SEPTIN9: variants seen among roughly 807,000 people sequenced by gnomAD.
The protein encoded by SEPTIN9 is septin-9.
SEPTIN9 carries 13 observed loss-of-function variants against 56.6 expected under a neutral mutation model. The ratio of observed to expected loss-of-function variants is 0.23; its 90% CI spans 0.15 to 0.37. The LOEUF (loss-of-function observed/expected upper bound fraction) is 0.37. SEPTIN9 is among the 10% of genes least tolerant of loss of function. SEPTIN9 has a pLI of 1.00. For missense variants in SEPTIN9, 650 were observed against 823.1 expected, an observed-to-expected ratio of 0.79 and a Z score of 2.57; for synonymous variants, 332 against 334.1, an observed-to-expected ratio of 0.99 and a Z score of 0.07.
chr17:77,409,952 T>C (rs1381029580), intron 3 of SEPTIN9, among the ~76,000 whole-genome samples: 1 of 152,180 alleles, frequency 6.6e-6, no homozygotes, highest in East Asian at 1.9e-4. Flanking sequence ...CCTGACACAC[T>C]GTCTCACCTG....
intron 2 of SEPTIN9, among the ~76,000 whole-genome samples, chr17:77,398,529 G>A (rs1724420078): frequency 6.6e-6 from 1 of 152,178 alleles, no homozygotes; most frequent in South Asian, 2.1e-4. Context: ...ATGCTCGTTT[G>A]GGGGGATGGC....
At position 77,450,849 on chromosome 17, in the gene SEPTIN9, C is replaced by T. The variant is rs542426431; in HGVS notation, c.722-31295C>T. On this transcript the variant is annotated intron_variant, in intron 3 of 11. Coordinates refer to ENST00000427177, the MANE Select transcript of SEPTIN9 (RefSeq NM_001113491.2). The surrounding 1 kb of genome is among the most constrained non-coding windows in gnomAD (Gnocchi z 6.0). ...CTCCTTCTCCCTTCCATGGTCCCAGCCAGCAAGCACCTGGGGTAGAGGGGA... is the reference window on the plus strand; with the variant it reads ...CTCCTTCTCCCTTCCATGGTCCCAGTCAGCAAGCACCTGGGGTAGAGGGGA... 4 of 971,066 alleles carry T rather than the reference C, an allele frequency of 4.1e-6. No homozygotes were observed. The highest frequency in any genetic ancestry group is 3.5e-5 in the African/African-American group (2 of 57,050). The allele number at this position is 971,066 out of a possible 1,614,324, so 60.2% of individuals were successfully genotyped here.
chr17:77,370,286 T>C (rs1351238549), intron 2 of SEPTIN9, among the ~76,000 whole-genome samples: 1 of 152,228 alleles, frequency 6.6e-6, no homozygotes, highest in Non-Finnish European at 1.5e-5. Context: ...CTTTGCCTCT[T>C]CCAGCTTCTG....
At chr17:77,337,649 ATTGT>A (rs1180565708) in intron 2 of SEPTIN9, among the ~76,000 whole-genome samples, 17 of 152,166 alleles carry the variant, frequency 1.1e-4, no homozygotes, top group East Asian at 3.9e-4. Context: ...AGGAAAGGTG[ATTGT>A]TTGTTTTTAA....
intron 3 of SEPTIN9, among the ~76,000 whole-genome samples, chr17:77,459,682 G>A (rs373274126): frequency 2.2e-4 from 33 of 152,034 alleles, no homozygotes; most frequent in African/African-American, 8.0e-4. Context: ...GAGCTGGCAC[G>A]TCACATGGCG....
chr17:77,331,308 A>G (rs2033341962), intron 2 of SEPTIN9, among the ~76,000 whole-genome samples: 1 of 152,184 alleles, frequency 6.6e-6, no homozygotes, highest in Non-Finnish European at 1.5e-5. Flanking sequence ...CGTCAGAGGG[A>G]GAGAGGAAGA....
chr17:77,339,718 C>T lies in SEPTIN9; in HGVS notation c.76+32521C>T, dbSNP rs181881293. ...AGAAACAGGGTTTCACCATGTTGGC[C>T]AGGCTGGTCTCGAACTCCTGACCTC... On this transcript the variant is annotated intron_variant, in intron 2 of 11. Coordinates refer to ENST00000427177, the MANE Select transcript of SEPTIN9 (RefSeq NM_001113491.2). Among the ~76,000 whole-genome samples, 584 of 152,066 alleles carry T rather than the reference C, an allele frequency of 3.8e-3. 9 individuals carry two copies. Among genetic ancestry groups the T allele is most frequent in the African/African-American group, 0.013 (556 of 41,444 alleles).
At chr17:77,383,495 T>G (rs1184468720) in intron 2 of SEPTIN9, among the ~76,000 whole-genome samples, 2 of 152,120 alleles carry the variant, frequency 1.3e-5, no homozygotes, top group Non-Finnish European at 2.9e-5. Context: ...TGGAGACCTG[T>G]TCCCTGGCCC....
chr17:77,426,355 G>T (rs553031885), intron 3 of SEPTIN9, among the ~76,000 whole-genome samples: 1 of 152,126 alleles, frequency 6.6e-6, no homozygotes, highest in East Asian at 1.9e-4. Flanking sequence ...GCCCCCGGAG[G>T]CATGCAGTGG....
chr17:77,308,531 C>T (rs1405962609), intron 2 of SEPTIN9, among the ~76,000 whole-genome samples: 1 of 152,262 alleles, frequency 6.6e-6, no homozygotes, highest in Non-Finnish European at 1.5e-5. Context: ...ATTGCACACT[C>T]AAAGTATAAA....
At chr17:77,414,062 C>T (rs187330929) in intron 3 of SEPTIN9, among the ~76,000 whole-genome samples, 1 of 149,902 alleles carries the variant, frequency 6.7e-6, no homozygotes, top group East Asian at 2.0e-4. Flanking sequence ...AGCTACTATA[C>T]AATCCACCAA....
chr17:77,289,407 CTT>C (rs572213399), intron 1 of SEPTIN9, among the ~76,000 whole-genome samples: 13 of 102,492 alleles, frequency 1.3e-4, no homozygotes, highest in Non-Finnish European at 1.2e-4. Flanking sequence ...TGCATTTATG[CTT>C]TTTTTTTTTT....
At chr17:77,309,782 T>C (rs569906722) in intron 2 of SEPTIN9, among the ~76,000 whole-genome samples, 4 of 152,172 alleles carry the variant, frequency 2.6e-5, no homozygotes, top group East Asian at 3.9e-4. Context: ...AACAAAAATG[T>C]AAAGAATAAG....
In SEPTIN9 at chr17:77,497,375, CAG is replaced by C. The variant is rs754583362; in HGVS notation, c.1625+10_1625+11del. The C allele has an allele frequency of 5.0e-6, 8 of 1,613,270 alleles. No individual in the cohort carries two copies. In the East Asian group the frequency reaches 6.7e-5, roughly 13 times the overall value. Reference sequence around the variant, plus strand: ...CGGGACCTTCTCATCAGGTGAGAGACAGGGTGCTTGGGTGGGGCTGACGGCTT... The same window carrying C: ...CGGGACCTTCTCATCAGGTGAGAGACGGTGCTTGGGTGGGGCTGACGGCTT... On this transcript the variant is annotated intron_variant, in intron 11 of 11. Coordinates refer to ENST00000427177, the MANE Select transcript of SEPTIN9 (RefSeq NM_001113491.2).
At chr17:77,472,630 A>G (rs573564719) in intron 3 of SEPTIN9, 1 of 152,352 alleles carries the variant, frequency 6.6e-6, no homozygotes, top group African/African-American at 2.4e-5. Flanking sequence ...TCGGAGAAAA[A>G]TGCAGCTCTT....
At chr17:77,395,563 T>C (rs1278029480) in intron 2 of SEPTIN9, among the ~76,000 whole-genome samples, 2 of 151,898 alleles carry the variant, frequency 1.3e-5, no homozygotes, top group African/African-American at 4.8e-5. Flanking sequence ...TCGATGGTTT[T>C]ATTCCCTGAA....
intron 1 of SEPTIN9, among the ~76,000 whole-genome samples, chr17:77,289,899 C>T (rs2031461359): frequency 6.6e-6 from 1 of 152,170 alleles, no homozygotes; most frequent in Non-Finnish European, 1.5e-5. Flanking sequence ...CCATTCAGTG[C>T]TTGTCTCCTC....
At chr17:77,397,677 T>A (rs912641536) in intron 2 of SEPTIN9, among the ~76,000 whole-genome samples, 2 of 151,952 alleles carry the variant, frequency 1.3e-5, no homozygotes, top group African/African-American at 4.8e-5. Flanking sequence ...TGAGATGAAG[T>A]CTTGCTTTGT....
chr17:77,481,972 C>T, intron 3 of SEPTIN9, 172 bp from the exon 4 acceptor site: 1 of 634,958 alleles, frequency 1.6e-6, no homozygotes, highest in Non-Finnish European at 2.7e-6. Context: ...GACACCACGG[C>T]CAGGGACATC....
Sources: gnomAD v4.1 joint callset for allele counts (sites outside exome capture counted in the v4.1 genomes callset) on GRCh38, gnomAD v4.1.1 for gene constraint, Gnocchi (gnomAD v3.1) non-coding constraint, MANE v1.5 for transcripts, NCBI Gene and HGNC (gene_info 2026-07-23, HGNC 2026-07-21) for gene names.